TMEM132C: variants seen among roughly 807,000 people sequenced by gnomAD.
TMEM132C encodes transmembrane protein 132C.
Under a neutral mutation model 61.4 loss-of-function variants are expected in TMEM132C, and 29 were observed. That is an observed-to-expected ratio of 0.47 (90% CI 0.35 to 0.64). The LOEUF is 0.64. Ranked by LOEUF, TMEM132C falls within the 30% of genes least tolerant of loss-of-function variation. The pLI, the probability that TMEM132C is intolerant of heterozygous loss-of-function variation, is 0.00. For missense variants in TMEM132C, 1,408 were observed against 1,476.9 expected (o/e 0.95, Z 0.76); for synonymous variants, 656 against 633.1 (o/e 1.04, Z -0.54).
intron 3 of TMEM132C, among the ~76,000 whole-genome samples, chr12:128,605,592 AG>A (rs1314705608): frequency 6.6e-6 from 1 of 152,170 alleles, no homozygotes; most frequent in African/African-American, 2.4e-5. Flanking sequence ...GCAGGAGGAC[AG>A]GGGTGCATTA....
At chr12:128,551,211 C>T (rs111939899) in intron 3 of TMEM132C, among the ~76,000 whole-genome samples, 3 of 149,148 alleles carry the variant, frequency 2.0e-5, no homozygotes, top group Non-Finnish European at 4.4e-5. Context: ...ACATAAGAGC[C>T]CCCCCCCTCC....
rs527295080 is a variant in TMEM132C at position 128,394,242 on chromosome 12, C to T, written c.86-20490C>T. Reference sequence around the variant, plus strand: ...ACCTACCCCCATGCTTCAATTATCTCCCGCCAGGTCCCCCCAACAACATAT... The same window carrying T: ...ACCTACCCCCATGCTTCAATTATCTTCCGCCAGGTCCCCCCAACAACATAT... On this transcript the variant is annotated intron_variant, in intron 1 of 8. Coordinates refer to ENST00000435159, the MANE Select transcript of TMEM132C (RefSeq NM_001136103.3). Among the ~76,000 whole-genome samples the T allele has an allele frequency of 6.6e-5, 10 of 152,268 alleles. No homozygotes were observed. The East Asian group carries it at 1.9e-3, about 29-fold the overall frequency.
intron 1 of TMEM132C, among the ~76,000 whole-genome samples, chr12:128,362,274 GA>G (rs1014111529): frequency 1.3e-4 from 20 of 152,164 alleles, no homozygotes; most frequent in African/African-American, 4.8e-4. Context: ...GTATGATCTG[GA>G]GATGGGCTGC....
intron 1 of TMEM132C, among the ~76,000 whole-genome samples, chr12:128,329,281 G>T (rs574480319): frequency 5.9e-5 from 9 of 152,004 alleles, no homozygotes; most frequent in African/African-American, 2.2e-4. Context: ...TTTTCTTTCT[G>T]TTTAAAATAT....
chr12:128,302,627 C>G (rs1326099103), intron 1 of TMEM132C, among the ~76,000 whole-genome samples: 1 of 152,138 alleles, frequency 6.6e-6, no homozygotes, highest in African/African-American at 2.4e-5. Context: ...TTACTATGAG[C>G]TACTAAGGGA....
At chr12:128,472,754 G>A (rs1018637133) in intron 2 of TMEM132C, among the ~76,000 whole-genome samples, 3 of 152,312 alleles carry the variant, frequency 2.0e-5, no homozygotes, top group Non-Finnish European at 4.4e-5. Flanking sequence ...ATTTATTTGA[G>A]AGCAGGTGTG....
chr12:128,699,038 C>T (rs915969433), intron 8 of TMEM132C, among the ~76,000 whole-genome samples: 1 of 152,104 alleles, frequency 6.6e-6, no homozygotes, highest in East Asian at 1.9e-4. Flanking sequence ...TTGGAACGTT[C>T]CAGCCATAGT....
intron 1 of TMEM132C, among the ~76,000 whole-genome samples, chr12:128,383,937 A>T (rs1473026723): frequency 4.6e-5 from 7 of 152,226 alleles, no homozygotes; most frequent in Admixed American, 6.5e-5. Flanking sequence ...AGAGAACTGC[A>T]TCTGTTTAGC....
Position 128,574,365 on chromosome 12 carries a change from C to T in TMEM132C, c.1121+30262C>T, listed in dbSNP as rs148308199. 4.8e-3 allele frequency among the ~76,000 whole-genome samples: 734 copies of T among 152,350 alleles called. 4 individuals are homozygous for T. The highest frequency in any genetic ancestry group is 7.4e-3 in the Non-Finnish European group (505 of 68,036). On this transcript the variant is annotated intron_variant, in intron 3 of 8. Coordinates refer to ENST00000435159, the MANE Select transcript of TMEM132C (RefSeq NM_001136103.3). ...GCTACATGCCGGGTACTGGCTGAAG[C>T]GCTTCGCTGCTATCATTTAATCTTC...
At chr12:128,306,411 C>G (rs1367217890) in intron 1 of TMEM132C, among the ~76,000 whole-genome samples, 1 of 152,000 alleles carries the variant, frequency 6.6e-6, no homozygotes, top group South Asian at 2.1e-4. Flanking sequence ...ATCGTGTTAG[C>G]CAGGATGGTC....
intron 1 of TMEM132C, among the ~76,000 whole-genome samples, chr12:128,322,925 TTA>T (rs1872381778): frequency 6.6e-6 from 1 of 152,182 alleles, no homozygotes; most frequent in South Asian, 2.1e-4. Flanking sequence ...TGCAATATTA[TTA>T]TGTAAAAGAA....
intron 1 of TMEM132C, among the ~76,000 whole-genome samples, chr12:128,307,320 TATCTC>T (rs999307031): frequency 6.6e-6 from 1 of 151,874 alleles, no homozygotes; most frequent in African/African-American, 2.4e-5. Context: ...AATATACAAA[TATCTC>T]AACTGGAAGT....
chr12:128,270,512 G>A (rs190669258), intron 1 of TMEM132C, among the ~76,000 whole-genome samples: 2 of 152,242 alleles, frequency 1.3e-5, no homozygotes, highest in African/African-American at 4.8e-5. Context: ...CCAAACCTTG[G>A]GATTGTCAGT....
intron 3 of TMEM132C, among the ~76,000 whole-genome samples, chr12:128,556,481 G>A (rs557505530): frequency 6.6e-6 from 1 of 152,146 alleles, no homozygotes; most frequent in South Asian, 2.1e-4. Context: ...GACACTCTGT[G>A]TTATAGGTTG....
chr12:128,480,502 C>T (rs11837691), intron 2 of TMEM132C, among the ~76,000 whole-genome samples: 21 of 152,270 alleles, frequency 1.4e-4, no homozygotes, highest in Non-Finnish European at 2.1e-4. Context: ...ATCCAGTCCC[C>T]GGCGAAGCCA....
chr12:128,482,522 A>G (rs561262963), intron 2 of TMEM132C, among the ~76,000 whole-genome samples: 4 of 152,136 alleles, frequency 2.6e-5, no homozygotes, highest in African/African-American at 9.6e-5. Flanking sequence ...CTCTTTTTCT[A>G]TTGTTTGGAA....
intron 3 of TMEM132C, among the ~76,000 whole-genome samples, chr12:128,591,732 T>A (rs1019737093): frequency 6.6e-6 from 1 of 152,106 alleles, no homozygotes; most frequent in African/African-American, 2.4e-5. Flanking sequence ...TCTCTTTACA[T>A]CTTTTATTGA....
At chr12:128,443,164 G>A (rs1395477319) in intron 2 of TMEM132C, among the ~76,000 whole-genome samples, 1 of 152,080 alleles carries the variant, frequency 6.6e-6, no homozygotes, top group Non-Finnish European at 1.5e-5. Context: ...GAGAGAGACA[G>A]AGAAGCAAAA....
chr12:128,489,436 A>G (rs1355123642), intron 2 of TMEM132C, among the ~76,000 whole-genome samples: 18 of 151,590 alleles, frequency 1.2e-4, no homozygotes, highest in Admixed American at 1.2e-3. Context: ...AGGGCTTGCT[A>G]CTGTGTTACC....
Sources: allele counts gnomAD v4.1 joint callset (sites outside exome capture counted in the v4.1 genomes callset), GRCh38; gene constraint gnomAD v4.1.1; transcripts MANE v1.5; gene names NCBI Gene and HGNC (gene_info 2026-07-23, HGNC 2026-07-21).